The following ANK2 variants were observed in gnomAD, a reference collection of about 807,000 sequenced individuals.
The protein encoded by ANK2 is ankyrin-2.
ANK2 carries 83 observed loss-of-function variants against 360.5 expected under a neutral mutation model. The observed-to-expected ratio is 0.23, with a 90% CI of 0.19 to 0.28. The LOEUF (loss-of-function observed/expected upper bound fraction) is 0.28, where lower values mean the gene tolerates loss of function less well. ANK2 is among the 10% of genes least tolerant of loss of function. The pLI, the probability that ANK2 is intolerant of heterozygous loss-of-function variation, is 1.00. For synonymous variants in ANK2, 1,740 were observed against 1,759.5 expected (o/e 0.99, Z 0.28); for missense variants, 4,201 against 4,795.7 (o/e 0.88, Z 3.66).
At chr4:113,262,187 C>T (rs1204408043) in intron 13 of ANK2, among the ~76,000 whole-genome samples, 1 of 151,986 alleles carries the variant, frequency 6.6e-6, no homozygotes, top group Non-Finnish European at 1.5e-5. Flanking sequence ...AATTGCTAGC[C>T]TTTTATCAGA....
chr4:113,190,170 C>T (rs1430870249), intron 2 of ANK2, among the ~76,000 whole-genome samples: 1 of 151,816 alleles, frequency 6.6e-6, no homozygotes, highest in Non-Finnish European at 1.5e-5. Flanking sequence ...TATTTATTTA[C>T]TTATTTTGAG....
intron 18 of ANK2, among the ~76,000 whole-genome samples, chr4:113,285,445 C>T (rs375560352): frequency 6.6e-6 from 1 of 152,204 alleles, no homozygotes; most frequent in East Asian, 1.9e-4. Context: ...TCCCAGGACA[C>T]TCCCTTTGAG....
intron 1 of ANK2, among the ~76,000 whole-genome samples, chr4:113,063,051 C>T (rs999273115): frequency 7.9e-5 from 12 of 151,868 alleles, no homozygotes; most frequent in African/African-American, 1.9e-4. Flanking sequence ...TGTTCCACAG[C>T]GTAATATCTA....
chr4:112,860,741 G>A (rs2067738409), intron 1 of ANK2, among the ~76,000 whole-genome samples: 1 of 152,066 alleles, frequency 6.6e-6, no homozygotes, highest in Admixed American at 6.5e-5. Context: ...ACATTTTAAA[G>A]TGGAAAGATT....
intron 32 of ANK2, among the ~76,000 whole-genome samples, chr4:113,341,280 A>T (rs2094270347): frequency 6.6e-6 from 1 of 152,142 alleles, no homozygotes; most frequent in Admixed American, 6.5e-5. Flanking sequence ...GGGAGGGGGG[A>T]TCAAGGAAAA....
At chr4:112,863,630 C>T (rs1394714772) in intron 1 of ANK2, among the ~76,000 whole-genome samples, 1 of 146,646 alleles carries the variant, frequency 6.8e-6, no homozygotes. Context: ...TCACGCCATT[C>T]TCCTGCCTCA....
chr4:113,325,475 C>A (rs1354939413), intron 26 of ANK2, among the ~76,000 whole-genome samples: 2 of 152,098 alleles, frequency 1.3e-5, no homozygotes, highest in Non-Finnish European at 2.9e-5. Flanking sequence ...AAGTGACTTA[C>A]CTGAGGTTAC....
At chr4:112,826,022 C>G (rs1006007751) in intron 1 of ANK2, among the ~76,000 whole-genome samples, 1 of 152,148 alleles carries the variant, frequency 6.6e-6, no homozygotes. Context: ...CAACGAGTAA[C>G]TTTTCTGCTT....
Position 113,274,652 on chromosome 4 carries a change from A to G in ANK2, c.1683+3A>G, listed in dbSNP as rs1317521565. On this transcript the variant is annotated splice_donor_region_variant and intron_variant, in intron 15 of 45. Coordinates refer to ENST00000357077, the MANE Select transcript of ANK2 (RefSeq NM_001148.6). ...CAGCCCACTCCTTAGCTACCAAGGT[A>G]AGGAGAATGACATCATGAGAACATG... 6.2e-7 allele frequency: 1 copy of G among 1,613,950 alleles called. No homozygotes were observed. The highest frequency in any genetic ancestry group is 1.1e-5 in the South Asian group (1 of 91,070).
At chr4:112,950,856 G>T (rs1242430343) in intron 2 of ANK2, among the ~76,000 whole-genome samples, 1 of 150,790 alleles carries the variant, frequency 6.6e-6, no homozygotes, top group Non-Finnish European at 1.5e-5. Flanking sequence ...GCCGAAGCGG[G>T]CGGATCACGA....
intron 2 of ANK2, among the ~76,000 whole-genome samples, chr4:112,973,179 T>C (rs1209120693): frequency 6.9e-6 from 1 of 144,850 alleles, no homozygotes; most frequent in Non-Finnish European, 1.5e-5. Context: ...AAATAAATCA[T>C]TTGCATTGTA....
chr4:113,161,299 A>T (rs79048437), intron 1 of ANK2, among the ~76,000 whole-genome samples: 4,066 of 152,334 alleles, frequency 0.027, 66 homozygotes, highest in Middle Eastern at 0.048. Flanking sequence ...GAGTTCCAAC[A>T]GAAGAATTTT....
chr4:112,860,733 A>C (rs1000609536), intron 1 of ANK2, among the ~76,000 whole-genome samples: 1 of 152,128 alleles, frequency 6.6e-6, no homozygotes, highest in Admixed American at 6.5e-5. Flanking sequence ...AAAAGTTAAC[A>C]TTTTAAAGTG....
intron 24 of ANK2, among the ~76,000 whole-genome samples, chr4:113,314,889 A>G (rs549840756): frequency 2.0e-5 from 3 of 152,326 alleles, no homozygotes; most frequent in African/African-American, 7.2e-5. Flanking sequence ...AAGTAAGTAG[A>G]GGAGGCTAGA....
intron 7 of ANK2, among the ~76,000 whole-genome samples, chr4:113,238,515 G>A (rs979854054): frequency 2.0e-5 from 3 of 152,110 alleles, no homozygotes; most frequent in Non-Finnish European, 4.4e-5. Context: ...CAGAGACAAC[G>A]GAAAGCCCAA....
the ANK2 span, among the ~76,000 whole-genome samples, chr4:112,775,781 G>T: frequency 2.0e-5 from 3 of 152,116 alleles, no homozygotes; most frequent in Non-Finnish European, 4.4e-5. Flanking sequence ...CACAAAATTG[G>T]TCAGAGCCAG....
chr4:113,295,508 A>C (rs1056571881), intron 22 of ANK2, among the ~76,000 whole-genome samples: 21 of 152,178 alleles, frequency 1.4e-4, no homozygotes, highest in African/African-American at 5.1e-4. Context: ...ATACAAGATC[A>C]TCTCTCTACC....
intron 17 of ANK2, among the ~76,000 whole-genome samples, chr4:113,279,519 C>T (rs1169267011): frequency 2.6e-5 from 4 of 151,778 alleles, no homozygotes; most frequent in East Asian, 3.9e-4. Flanking sequence ...ACTTTAGAGC[C>T]GGTGCTCTTA....
chr4:113,094,397 G>A (rs937466855), intron 1 of ANK2, among the ~76,000 whole-genome samples: 2 of 152,160 alleles, frequency 1.3e-5, no homozygotes, highest in Non-Finnish European at 2.9e-5. Context: ...AAGGAACCAT[G>A]TTCTTAAATA....
Sources: allele counts gnomAD v4.1 joint callset (sites outside exome capture counted in the v4.1 genomes callset), GRCh38; gene constraint gnomAD v4.1.1; transcripts MANE v1.5; gene names NCBI Gene and HGNC (gene_info 2026-07-23, HGNC 2026-07-21).